The following LRRIQ3 variants were observed in gnomAD, a reference collection of about 807,000 sequenced individuals.
LRRIQ3 encodes the protein leucine rich repeats and IQ motif containing 3, also known as leucine-rich repeat and IQ domain-containing protein 3.
Under a neutral mutation model 59.3 loss-of-function variants are expected in LRRIQ3, and 75 were observed. The ratio of observed to expected loss-of-function variants is 1.26; its 90% CI spans 1.05 to 1.53. The LOEUF (loss-of-function observed/expected upper bound fraction) is 1.53, where lower values mean the gene tolerates loss of function less well. LRRIQ3 is among the 40% of genes most tolerant of loss of function. The pLI is 0.00. For missense variants in LRRIQ3, 831 were observed against 710.0 expected, an observed-to-expected ratio of 1.17 and a Z score of -1.94; for synonymous variants, 250 against 231.3, an observed-to-expected ratio of 1.08 and a Z score of -0.73.
intron 6 of LRRIQ3, among the ~76,000 whole-genome samples, chr1:74,055,366 C>A (rs1654501920): frequency 6.6e-6 from 1 of 151,994 alleles, no homozygotes; most frequent in African/African-American, 2.4e-5. Context: ...TCCCCCCTCT[C>A]TTCTGCCCCT....
intron 4 of LRRIQ3, chr1:74,138,420 C>T (rs997847250): frequency 2.2e-6 from 2 of 923,786 alleles, no homozygotes; most frequent in African/African-American, 3.6e-5. Flanking sequence ...ATCCTTCAAT[C>T]CATTACCAGA....
intron 5 of LRRIQ3, among the ~76,000 whole-genome samples, chr1:74,104,774 T>A (rs773561670): frequency 4.2e-4 from 64 of 151,936 alleles, no homozygotes; most frequent in Non-Finnish European, 8.4e-4. Context: ...ACAAAACCCA[T>A]AAAGTGTACA....
rs1646659198 is a variant in LRRIQ3, at chr1:74,109,423, T to A, written c.838A>T (p.Ile280Leu). 1 of 1,553,182 alleles carries A rather than the reference T, an allele frequency of 6.4e-7. No homozygotes were observed. Among genetic ancestry groups the A allele is most frequent in the African/African-American group, 1.4e-5 (1 of 72,466 alleles). Residue 280 changes from isoleucine (I) to leucine (L), a missense_variant, in exon 5 of 8, where the codon ATA (isoleucine) becomes TTA (leucine). Transcript: ENST00000354431. ...TTCCAATATGCAAGCTTTCCTTTTA[T>A]ATTAGTTTCAGGTTTGAAAAAGAGA... ...KDLFFKPETN[I>L]KGKLAYWKHN...
intron 1 of LRRIQ3, among the ~76,000 whole-genome samples, chr1:74,188,672 T>C (rs1456624790): frequency 2.6e-5 from 4 of 152,120 alleles, no homozygotes; most frequent in South Asian, 4.1e-4. Context: ...ACTTGTTTTA[T>C]GGTTAGGTAG....
Position 74,038,267 on chromosome 1 carries a change from A to G in LRRIQ3, c.1718+2946T>C, listed in dbSNP as rs375175831. Among the ~76,000 whole-genome samples, 3 of 151,902 alleles carry G rather than the reference A, an allele frequency of 2.0e-5. No individual in the cohort carries two copies. In the East Asian group the frequency reaches 5.8e-4, roughly 30 times the overall value. ...CACTGGGTGGGGTCTCCCTGCAGGA[A>G]CTCCAACAACTCCAGCCAGGGGCTC... On this transcript the variant is annotated intron_variant, in intron 7 of 7. Transcript: ENST00000354431.
At position 74,041,644 on chromosome 1, in the gene LRRIQ3, T is replaced by C. The variant is rs370942894; in HGVS notation, c.1287A>G (p.Glu429=). 3 of 1,613,858 alleles carry C rather than the reference T, an allele frequency of 1.9e-6. No homozygotes were observed. Among genetic ancestry groups the C allele is most frequent in the Non-Finnish European group, 2.5e-6 (3 of 1,179,872 alleles). Residue 429 remains glutamate (E), a synonymous_variant, in exon 7 of 8, where the codon GAA becomes GAG. Coordinates refer to ENST00000354431, the MANE Select transcript of LRRIQ3 (RefSeq NM_001105659.2). Reference sequence around the variant, plus strand: ...CTTTATGGTATTCCTGCTTCTTTTGTTCTGTGTAATATTTGTCAATATCAC... The same window carrying C: ...CTTTATGGTATTCCTGCTTCTTTTGCTCTGTGTAATATTTGTCAATATCAC... ...TFSDIDKYYT[E]QKKQEYHKEK... is the part of the protein sequence containing the mutation.
At chr1:74,118,775 G>C (rs1646812423) in intron 4 of LRRIQ3, among the ~76,000 whole-genome samples, 2 of 152,108 alleles carry the variant, frequency 1.3e-5, no homozygotes, top group Admixed American at 1.3e-4. Context: ...TCTGAAATCT[G>C]TAGGGCAGGC....
intron 6 of LRRIQ3, among the ~76,000 whole-genome samples, chr1:74,062,543 A>T (rs1333355292): frequency 6.6e-6 from 1 of 152,034 alleles, no homozygotes; most frequent in Non-Finnish European, 1.5e-5. Context: ...AAGGAATAGA[A>T]ATCACAGCAC....
chr1:74,098,873 C>T (rs577448458), intron 5 of LRRIQ3, among the ~76,000 whole-genome samples: 88 of 152,198 alleles, frequency 5.8e-4, no homozygotes, highest in African/African-American at 2.0e-3. Context: ...AAAGACACAA[C>T]ATACCAGAAT....
At chr1:74,111,130 CAAAAG>C (rs983114987) in intron 4 of LRRIQ3, among the ~76,000 whole-genome samples, 2 of 150,872 alleles carry the variant, frequency 1.3e-5, no homozygotes, top group Non-Finnish European at 3.0e-5. Flanking sequence ...AGTCAATTGC[CAAAAG>C]AAAAGAAAAG....
intron 7 of LRRIQ3, among the ~76,000 whole-genome samples, chr1:74,034,511 G>A (rs1378479898): frequency 6.6e-6 from 1 of 151,652 alleles, no homozygotes; most frequent in Non-Finnish European, 1.5e-5. Flanking sequence ...AAAAAACTAA[G>A]CTGATTAAAT....
At chr1:74,190,154 C>T (rs938406309) in intron 1 of LRRIQ3, among the ~76,000 whole-genome samples, 1 of 151,990 alleles carries the variant, frequency 6.6e-6, no homozygotes, top group Non-Finnish European at 1.5e-5. Context: ...AACAGACAGG[C>T]AGTACAGAAA....
At chr1:74,124,826 G>C (rs1396175786) in intron 4 of LRRIQ3, among the ~76,000 whole-genome samples, 1 of 151,658 alleles carries the variant, frequency 6.6e-6, no homozygotes. Context: ...TGGTCAAGCT[G>C]ACTTTGGCTA....
intron 3 of LRRIQ3, among the ~76,000 whole-genome samples, chr1:74,158,891 T>C: frequency 6.6e-6 from 1 of 152,122 alleles, no homozygotes; most frequent in East Asian, 1.9e-4. Flanking sequence ...AAATATTTGT[T>C]AGCCCAACTT....
chr1:74,047,493 C>G (rs950599525), intron 6 of LRRIQ3, among the ~76,000 whole-genome samples: 1 of 151,926 alleles, frequency 6.6e-6, no homozygotes, highest in African/African-American at 2.4e-5. Flanking sequence ...CCTAATGTAT[C>G]TGATGGGTTG....
intron 6 of LRRIQ3, among the ~76,000 whole-genome samples, chr1:74,065,936 C>A (rs1654852477): frequency 6.6e-6 from 1 of 152,046 alleles, no homozygotes; most frequent in Admixed American, 6.6e-5. Context: ...CCTGTAATCC[C>A]AGCACTTTGG....
At chr1:74,119,274 T>C (rs1646819297) in intron 4 of LRRIQ3, among the ~76,000 whole-genome samples, 1 of 152,134 alleles carries the variant, frequency 6.6e-6, no homozygotes, top group Non-Finnish European at 1.5e-5. Context: ...GCTGATATAA[T>C]TTGCATACTC....
chr1:74,107,116 T>G (rs1646625942), intron 5 of LRRIQ3, among the ~76,000 whole-genome samples: 1 of 152,064 alleles, frequency 6.6e-6, no homozygotes, highest in Admixed American at 6.6e-5. Flanking sequence ...TAAGTGAATG[T>G]AGCTTGAACT....
intron 4 of LRRIQ3, among the ~76,000 whole-genome samples, chr1:74,145,712 T>C (rs979613599): frequency 6.6e-6 from 1 of 152,124 alleles, no homozygotes; most frequent in Non-Finnish European, 1.5e-5. Flanking sequence ...TTACTAATTT[T>C]TTTCTTAATT....
Sources: allele counts gnomAD v4.1 joint callset (sites outside exome capture counted in the v4.1 genomes callset), GRCh38; gene constraint gnomAD v4.1.1; transcripts MANE v1.5; gene names NCBI Gene and HGNC (gene_info 2026-07-23, HGNC 2026-07-21).